The following KLHL42 variants were observed in gnomAD, a reference collection of about 807,000 sequenced individuals.
The protein encoded by KLHL42 is kelch-like protein 42.
A neutral mutation model predicts 32.7 loss-of-function variants in KLHL42; 27 were observed. That is an observed-to-expected ratio of 0.83 (90% CI 0.61 to 1.14). The LOEUF (loss-of-function observed/expected upper bound fraction) is 1.14, where lower values mean the gene tolerates loss of function less well. Ranked by LOEUF, KLHL42 falls within the 50% of genes most tolerant of loss-of-function variation. The pLI, the probability that KLHL42 is intolerant of heterozygous loss-of-function variation, is 0.00. For missense variants in KLHL42, 491 were observed against 560.8 expected, an observed-to-expected ratio of 0.88 and a Z score of 1.26; for synonymous variants, 267 against 248.2, an observed-to-expected ratio of 1.08 and a Z score of -0.71.
chr12:27,781,523 C>A (rs2062148272), intron 1 of KLHL42, among the ~76,000 whole-genome samples: 1 of 152,066 alleles, frequency 6.6e-6, no homozygotes, highest in Non-Finnish European at 1.5e-5. Context: ...AGAAAATTGC[C>A]CCTTAATTTT....
intron 1 of KLHL42, among the ~76,000 whole-genome samples, chr12:27,784,492 T>A (rs2062163371): frequency 6.6e-6 from 1 of 152,076 alleles, no homozygotes; most frequent in South Asian, 2.1e-4. Context: ...TTCACGCTTG[T>A]AGTCCCAGCT....
intron 2 of KLHL42, 188 bp downstream of exon 2, chr12:27,792,089 T>C (rs1334347609): frequency 2.2e-6 from 1 of 460,260 alleles, no homozygotes; most frequent in African/African-American, 2.0e-5. Context: ...AGGGATCTTT[T>C]GATAACTTTG....
At position 27,784,127 on chromosome 12, in the gene KLHL42, T is replaced by TG. The variant is rs1387440028; in HGVS notation, c.872+2925_872+2926insG. Among the ~76,000 whole-genome samples, 7 of 149,208 alleles carry TG rather than the reference T, an allele frequency of 4.7e-5. No individual in the cohort carries two copies. In the East Asian group the frequency reaches 7.8e-4, roughly 17 times the overall value. On this transcript the variant is annotated intron_variant, in intron 1 of 2. Transcript: ENST00000381271. The stretch of plus-strand genomic sequence containing the variant: ...GTAGGGCAAAGTGTATGTGTTTTTT[T>TG]TTTTTGTTTTTGTTTTTTTTTTTTG...
intron 2 of KLHL42, among the ~76,000 whole-genome samples, chr12:27,796,037 C>T (rs1290556040): frequency 6.6e-6 from 1 of 152,102 alleles, no homozygotes; most frequent in Non-Finnish European, 1.5e-5. Context: ...GACCAAAATC[C>T]CCTTGGGCCA....
rs1307821188 is a variant in KLHL42 at position 27,798,418 on chromosome 12, T to C, written c.*252T>C. 9.0e-6 allele frequency: 4 copies of C among 445,260 alleles called. No homozygotes were observed. The highest frequency in any genetic ancestry group is 1.6e-5 in the Non-Finnish European group (4 of 248,702). 27.6% of individuals were successfully genotyped at this position (445,260 alleles called of 1,614,324 possible). A position where few individuals can be genotyped will look rare whatever the true frequency, so the allele number is the denominator to read the frequency against. ...GCAAATCCATCTCCAAACATGATAC[T>C]CTTGGGCCAATGACGGATCATCAAA... On this transcript the variant is annotated 3_prime_UTR_variant, in exon 3 of 3. Coordinates refer to ENST00000381271, the MANE Select transcript of KLHL42 (RefSeq NM_020782.2).
At chr12:27,792,187 G>A (rs953079252) in intron 2 of KLHL42, 12 of 229,346 alleles carry the variant, frequency 5.2e-5, no homozygotes, top group African/African-American at 2.7e-4. Context: ...CCAGCTTTTT[G>A]GTCAGCCGTC....
At chr12:27,787,068 G>A (rs1167124687) in intron 1 of KLHL42, among the ~76,000 whole-genome samples, 1 of 152,084 alleles carries the variant, frequency 6.6e-6, no homozygotes, top group Admixed American at 6.5e-5. Flanking sequence ...GGAGAAGATA[G>A]TGGGTGCTAT....
At chr12:27,797,252 C>A in intron 2 of KLHL42, 1 of 456,620 alleles carries the variant, frequency 2.2e-6, no homozygotes. Flanking sequence ...ACTAGACAGC[C>A]TCTGGAGATC....
At chr12:27,786,719 GTT>G (rs11341444) in intron 1 of KLHL42, among the ~76,000 whole-genome samples, 34 of 101,108 alleles carry the variant, frequency 3.4e-4, no homozygotes, top group Admixed American at 3.5e-4. Context: ...GATTGAAAGA[GTT>G]TTTTTTTTTT....
chr12:27,792,560 G>T (rs187728134), intron 2 of KLHL42, among the ~76,000 whole-genome samples: 1 of 152,190 alleles, frequency 6.6e-6, no homozygotes, highest in African/African-American at 2.4e-5. Flanking sequence ...GTCTCCTTCT[G>T]TCACCCAGGC....
chr12:27,800,253 C>T lies in KLHL42; in HGVS notation c.*2087C>T, dbSNP rs948137044. On this transcript the variant is annotated 3_prime_UTR_variant, in exon 3 of 3. Transcript: ENST00000381271. ...TGGTTACATTCATTGGGTCTATTTG[C>T]CTAATGTTGACAATTAGATTCTTGG... 16 of 985,060 alleles carry T rather than the reference C, an allele frequency of 1.6e-5. No individual in the cohort carries two copies. In the African/African-American group the frequency reaches 2.8e-4, roughly 17 times the overall value. 61.0% of individuals were successfully genotyped at this position (985,060 alleles called of 1,614,324 possible).
chr12:27,798,153 A>C lies in KLHL42; in HGVS notation c.1505A>C (p.Lys502Thr), dbSNP rs761029144. 1.3e-6 allele frequency: 1 copy of C among 777,962 alleles called. No individual in the cohort carries two copies. The highest frequency in any genetic ancestry group is 2.4e-6 in the Non-Finnish European group (1 of 416,180). The allele number at this position is 777,962 out of a possible 1,614,324, so 48.2% of individuals were successfully genotyped here. ...GTTTCTTCTCTTTATCTGCCCAATA[A>C]AGCAGAAACATGACTGAATTGAATT... ...LLVSSLYLPN[K>T]AET The change falls in exon 3 of 3, where the codon AAA becomes ACA. Residue 502 changes from lysine to threonine, a missense_variant. Transcript: ENST00000381271.
intron 1 of KLHL42, among the ~76,000 whole-genome samples, chr12:27,781,721 G>A (rs900987060): frequency 1.3e-5 from 2 of 152,080 alleles, no homozygotes; most frequent in African/African-American, 4.8e-5. Flanking sequence ...TTGCAATAGG[G>A]GTTGCTTTTC....
At position 27,797,893 on chromosome 12, in the gene KLHL42, G is replaced by A; in HGVS notation, c.1245G>A (p.Met415Ile). 1.3e-6 allele frequency: 1 copy of A among 780,976 alleles called. No homozygotes were observed. Among genetic ancestry groups the A allele is most frequent in the Non-Finnish European group, 2.4e-6 (1 of 418,114 alleles). The allele number at this position is 780,976 out of a possible 1,614,324, so 48.4% of individuals were successfully genotyped here. A position where few individuals can be genotyped will look rare whatever the true frequency, so the allele number is the denominator to read the frequency against. The change falls in exon 3 of 3, where the codon ATG becomes ATA. Residue 415 changes from methionine to isoleucine, a missense_variant. By Grantham distance (10) the Met-to-Ile change is conservative. Around this residue, in one of 4 missense-constraint regions of KLHL42, gnomAD observed 152 missense variants for 125.9 expected, o/e 1.21. Coordinates refer to ENST00000381271, the MANE Select transcript of KLHL42 (RefSeq NM_020782.2). ...GCAGGAGCAGCCAGAGCGAGGACAT[G>A]CTCACCGTGCAGTCCTACAACACCG... ...PNRRSSQSED[M>I]LTVQSYNTVT...
rs1591817606 is a variant in KLHL42, at chr12:27,798,814, G to A, written c.*648G>A. On this transcript the variant is annotated 3_prime_UTR_variant, in exon 3 of 3. Transcript: ENST00000381271. ...AGCTATTTTTCCAGCCTTTTTTGCAGTTACAAATGCTGGATAAATAGACTG... is the reference window on the plus strand; with the variant it reads ...AGCTATTTTTCCAGCCTTTTTTGCAATTACAAATGCTGGATAAATAGACTG... 6.6e-6 allele frequency: 1 copy of A among 152,234 alleles called. No individual in the cohort carries two copies. Among genetic ancestry groups the A allele is most frequent in the East Asian group, 1.9e-4 (1 of 5,196 alleles). 9.4% of individuals were successfully genotyped at this position (152,234 alleles called of 1,614,324 possible).
chr12:27,800,479 A>T lies in KLHL42; in HGVS notation c.*2313A>T, dbSNP rs2062241976. 3.4e-6 allele frequency: 2 copies of T among 588,696 alleles called. No homozygotes were observed. The highest frequency in any genetic ancestry group is 4.3e-6 in the Non-Finnish European group (2 of 467,790). 36.5% of individuals were successfully genotyped at this position (588,696 alleles called of 1,614,324 possible). A position where few individuals can be genotyped will look rare whatever the true frequency, so the allele number is the denominator to read the frequency against. On this transcript the variant is annotated 3_prime_UTR_variant, in exon 3 of 3. Coordinates refer to ENST00000381271, the MANE Select transcript of KLHL42 (RefSeq NM_020782.2). Reference sequence around the variant, plus strand: ...AAGGTGGAATGTGCAATAGGAACAGATCTGTGCATTTTGTGACATCGTCCT... The same window carrying T: ...AAGGTGGAATGTGCAATAGGAACAGTTCTGTGCATTTTGTGACATCGTCCT...
chr12:27,792,264 T>A (rs2062200867), intron 2 of KLHL42: 1 of 175,586 alleles, frequency 5.7e-6, no homozygotes, highest in African/African-American at 2.4e-5. Context: ...TTGGAGAAGA[T>A]TATCTGGGAA....
At chr12:27,792,790 T>C (rs1197345181) in intron 2 of KLHL42, among the ~76,000 whole-genome samples, 18 of 152,220 alleles carry the variant, frequency 1.2e-4, no homozygotes, top group Admixed American at 1.2e-3. Flanking sequence ...CCCAAGGTGC[T>C]GGGATTACAG....
intron 1 of KLHL42, among the ~76,000 whole-genome samples, chr12:27,782,450 A>T (rs1014499735): frequency 6.6e-6 from 1 of 152,244 alleles, no homozygotes; most frequent in Non-Finnish European, 1.5e-5. Context: ...ATTTCCTGCC[A>T]GCCCATTTTT....
Sources: gnomAD v4.1 joint callset for allele counts (sites outside exome capture counted in the v4.1 genomes callset) on GRCh38, gnomAD v4.1.1 for gene constraint, gnomAD v4.1.1 regional missense constraint, MANE v1.5 for transcripts, NCBI Gene and HGNC (gene_info 2026-07-23, HGNC 2026-07-21) for gene names.